The following ZMYND8 variants were observed in gnomAD, a reference collection of about 807,000 sequenced individuals.
ZMYND8 encodes MYND-type zinc finger-containing chromatin reader ZMYND8.
In ZMYND8, 37 loss-of-function variants were observed where a neutral mutation model predicts 140.8. The ratio of observed to expected loss-of-function variants is 0.26; its 90% confidence interval spans 0.20 to 0.35. The LOEUF (loss-of-function observed/expected upper bound fraction) is 0.35, where lower values mean the gene tolerates loss of function less well. ZMYND8 is among the 10% of genes least tolerant of loss of function. The probability of loss-of-function intolerance (pLI) is 1.00; values close to 1 mark genes in which losing one functional copy is unlikely to be tolerated. For missense variants in ZMYND8, 1,068 were observed against 1,570.0 expected (o/e 0.68, Z 5.40); for synonymous variants, 592 against 597.1 (o/e 0.99, Z 0.12).
At chr20:47,313,393 C>T (rs1287177017) in intron 2 of ZMYND8, among the ~76,000 whole-genome samples, 2 of 151,988 alleles carry the variant, frequency 1.3e-5, no homozygotes, top group East Asian at 1.9e-4. Flanking sequence ...GAGGCCAAGG[C>T]GGGCGGATTA....
intron 14 of ZMYND8, among the ~76,000 whole-genome samples, chr20:47,240,680 G>C (rs939083705): frequency 1.3e-5 from 2 of 150,946 alleles, no homozygotes; most frequent in Non-Finnish European, 2.9e-5. Flanking sequence ...TCAGCCTCCC[G>C]ACTACGTGGG....
chr20:47,218,216 G>A (rs925537594), intron 21 of ZMYND8, among the ~76,000 whole-genome samples: 1 of 152,090 alleles, frequency 6.6e-6, no homozygotes, highest in Non-Finnish European at 1.5e-5. Flanking sequence ...CTACCTTCCT[G>A]TATGCCACCC....
chr20:47,246,403 G>C lies in ZMYND8; in HGVS notation c.1889C>G (p.Ser630Cys), dbSNP rs142786674. 67 of 1,613,742 alleles carry C rather than the reference G, an allele frequency of 4.2e-5. No homozygotes were observed. Among genetic ancestry groups the C allele is most frequent in the Non-Finnish European group, 1.7e-5 (20 of 1,180,026 alleles). Residue 630 changes from serine (S) to cysteine (C), a missense_variant, in exon 14 of 23, where the codon TCT becomes TGT. By Grantham distance (112) the Ser-to-Cys change is moderately radical. Transcript: ENST00000471951. ...CTCTGTGTCTTCTGGCTCGTTCTTAGACTTCTGCTCATCATCACTGATATA... is the reference window on the plus strand; with the variant it reads ...CTCTGTGTCTTCTGGCTCGTTCTTACACTTCTGCTCATCATCACTGATATA... ...SEYISDDEQK[S>C]KNEPEDTEDK...
intron 3 of ZMYND8, among the ~76,000 whole-genome samples, chr20:47,303,349 T>TA (rs1342377264): frequency 2.0e-5 from 3 of 152,194 alleles, no homozygotes; most frequent in South Asian, 4.1e-4. Flanking sequence ...TTTTGAAAGA[T>TA]AACAGTCAGC....
Position 47,298,924 on chromosome 20 carries a change from A to C in ZMYND8, c.258T>G (p.Phe86Leu). ...TGGTGAGTGGCTGCTTCATATAGTA[A>C]AACGGACCATGTCTTAGTTCTGACT... Reference protein sequence around the residue: ...KEQSELRHGPFYYMKQPLTTD... With the variant: ...KEQSELRHGPLYYMKQPLTTD... Residue 86 changes from phenylalanine to leucine, a missense_variant, in exon 4 of 23, where the codon TTT (phenylalanine) becomes TTG (leucine). Around this residue, in one of 10 missense-constraint regions of ZMYND8, gnomAD observed 109 missense variants for 314.9 expected, o/e 0.35. Transcript: ENST00000471951. The surrounding 1 kb of genome is among the most constrained non-coding windows in gnomAD (Gnocchi z 5.0). 4 of 1,614,202 alleles carry C rather than the reference A, an allele frequency of 2.5e-6. No homozygotes were observed. Among genetic ancestry groups the C allele is most frequent in the Non-Finnish European group, 3.4e-6 (4 of 1,180,040 alleles).
chr20:47,230,667 A>G (rs898511360), intron 16 of ZMYND8, among the ~76,000 whole-genome samples: 2 of 152,216 alleles, frequency 1.3e-5, no homozygotes, highest in Non-Finnish European at 2.9e-5. Flanking sequence ...TCAAAAAACC[A>G]GCACCGCTTT....
At chr20:47,318,668 C>A in intron 2 of ZMYND8, 1 of 453,472 alleles carries the variant, frequency 2.2e-6, no homozygotes, top group Non-Finnish European at 4.4e-6. Flanking sequence ...CACAGAAACT[C>A]GAGGACCGGT....
At chr20:47,280,124 CA>C (rs72091806) in intron 10 of ZMYND8, among the ~76,000 whole-genome samples, 77 of 90,850 alleles carry the variant, frequency 8.5e-4, no homozygotes, top group Admixed American at 1.6e-3. Context: ...GACTCTGCTC[CA>C]AAAAAAAAAA....
chr20:47,292,781 G>A (rs1427455916), intron 5 of ZMYND8, among the ~76,000 whole-genome samples: 2 of 152,050 alleles, frequency 1.3e-5, no homozygotes, highest in Non-Finnish European at 1.5e-5. Context: ...GCCAGGCGCC[G>A]TGACTCATGC....
At chr20:47,242,857 T>C (rs2040137584) in intron 14 of ZMYND8, among the ~76,000 whole-genome samples, 1 of 152,246 alleles carries the variant, frequency 6.6e-6, no homozygotes, top group Non-Finnish European at 1.5e-5. Context: ...CCCAGAAATC[T>C]GGAGTACATA....
intron 8 of ZMYND8, chr20:47,285,859 A>G: frequency 1.0e-6 from 1 of 977,586 alleles, no homozygotes. Context: ...AAAATAAACT[A>G]AGTGAGAAAG....
chr20:47,210,771 A>G lies in ZMYND8; in HGVS notation c.3695T>C (p.Phe1232Ser), dbSNP rs747138105. The G allele has an allele frequency of 9.3e-6, 15 of 1,613,916 alleles. No individual in the cohort carries two copies. The South Asian group carries it at 1.4e-4, about 15-fold the overall frequency. Reference sequence around the variant, plus strand: ...TGTCCCGATTCACTGCTAGTCCCAGAAGGTGTCCAGCCGAGACTCTTTCGG... The same window carrying G: ...TGTCCCGATTCACTGCTAGTCCCAGGAGGTGTCCAGCCGAGACTCTTTCGG... ...LLPKESRLDT[F>S]WD The change falls in exon 23 of 23, where the codon TTC becomes TCC. Residue 1232 changes from phenylalanine to serine, a missense_variant. Physicochemically the swap from Phe to Ser is radical, Grantham distance 155. This residue lies in a region of ZMYND8 where 180 missense variants were observed against 187.8 expected (regional missense o/e 0.96). Transcript: ENST00000471951.
rs529268371 is a variant in ZMYND8 at position 47,232,178 on chromosome 20, C to A, written c.2857-2372G>T. The stretch of plus-strand genomic sequence containing the variant: ...CCTGAGGTCAGGAGTTCGAGACCAG[C>A]CTGGCCAATGTGGTGAAACCCCGTC... On this transcript the variant is annotated intron_variant, in intron 16 of 22. Coordinates refer to ENST00000471951, the MANE Select transcript of ZMYND8 (RefSeq NM_001281775.3). Among the ~76,000 whole-genome samples, 16 of 152,228 alleles carry A rather than the reference C, an allele frequency of 1.1e-4. No individual in the cohort carries two copies. In the South Asian group the frequency reaches 3.3e-3, roughly 32 times the overall value.
chr20:47,292,787 C>T (rs1329227253), intron 5 of ZMYND8, among the ~76,000 whole-genome samples: 1 of 152,074 alleles, frequency 6.6e-6, no homozygotes, highest in Non-Finnish European at 1.5e-5. Context: ...CGCCGTGACT[C>T]ATGCCTGTGA....
chr20:47,252,797 T>A (rs890123462), intron 12 of ZMYND8, among the ~76,000 whole-genome samples: 1 of 152,060 alleles, frequency 6.6e-6, no homozygotes, highest in Non-Finnish European at 1.5e-5. Context: ...CACACGCCTG[T>A]AATCCCAGCT....
chr20:47,267,550 T>C (rs1332228718), intron 11 of ZMYND8, among the ~76,000 whole-genome samples: 1 of 151,894 alleles, frequency 6.6e-6, no homozygotes, highest in African/African-American at 2.4e-5. Context: ...TCATTTCCCA[T>C]GGAGACCCCG....
chr20:47,242,597 G>A (rs538100680), intron 14 of ZMYND8, among the ~76,000 whole-genome samples: 23 of 152,272 alleles, frequency 1.5e-4, no homozygotes, highest in Non-Finnish European at 2.8e-4. Flanking sequence ...TCTCCCCACC[G>A]TAAGGGCAAC....
rs552644022 is a variant in ZMYND8 at position 47,302,162 on chromosome 20, G to A, written c.235-3215C>T. ...GCATGAGAACAAACAAACTAATACA[G>A]TATGTATGAAACATAAATGAATTTT... On this transcript the variant is annotated intron_variant, in intron 3 of 22. Transcript: ENST00000471951. 2.3e-4 allele frequency among the ~76,000 whole-genome samples: 35 copies of A among 151,596 alleles called. No individual in the cohort carries two copies. In the Middle Eastern group the frequency reaches 0.017, roughly 74 times the overall value.
chr20:47,281,966 T>C (rs1016405629), intron 10 of ZMYND8, 136 bp downstream of exon 10: 25 of 759,706 alleles, frequency 3.3e-5, no homozygotes, highest in Middle Eastern at 2.4e-4. Flanking sequence ...GGAAATTTAT[T>C]TCAACAACAA....
Sources: gnomAD v4.1 joint callset for allele counts (sites outside exome capture counted in the v4.1 genomes callset) on GRCh38, gnomAD v4.1.1 for gene constraint, gnomAD v4.1.1 regional missense constraint, Gnocchi (gnomAD v3.1) non-coding constraint, MANE v1.5 for transcripts, NCBI Gene and HGNC (gene_info 2026-07-23, HGNC 2026-07-21) for gene names.